Variants in NR6A1 observed in about 807,000 individuals in gnomAD.
NR6A1 encodes the protein nuclear receptor subfamily 6 group A member 1.
Under a neutral mutation model 59.1 loss-of-function variants are expected in NR6A1, and 7 were observed. The ratio of observed to expected loss-of-function variants is 0.12; its 90% CI spans 0.07 to 0.22. NR6A1 has a LOEUF of 0.22. Among genes scored for constraint, NR6A1 ranks in the 10% least tolerant of loss-of-function variants. The pLI is 1.00. For missense variants in NR6A1, 468 were observed against 611.6 expected (o/e 0.77, Z 2.48); for synonymous variants, 243 against 236.1 (o/e 1.03, Z -0.27).
intron 2 of NR6A1, among the ~76,000 whole-genome samples, chr9:124,664,819 C>T (rs562688541): frequency 2.3e-4 from 35 of 151,918 alleles, no homozygotes; most frequent in African/African-American, 8.0e-4. Flanking sequence ...TATTACCTGC[C>T]TTCATGGAGC....
At chr9:124,726,369 T>C (rs546925817) in intron 2 of NR6A1, among the ~76,000 whole-genome samples, 1 of 152,368 alleles carries the variant, frequency 6.6e-6, no homozygotes, top group South Asian at 2.1e-4. Flanking sequence ...TCATGTAATG[T>C]ATTTTGCTGG....
chr9:124,752,516 G>A (rs757404972), intron 1 of NR6A1, among the ~76,000 whole-genome samples: 6 of 151,754 alleles, frequency 4.0e-5, no homozygotes, highest in Non-Finnish European at 7.4e-5. Flanking sequence ...ACTACAACAC[G>A]CAATAAAAGT....
Position 124,522,181 on chromosome 9 carries a change from C to G in NR6A1, c.*524G>C, listed in dbSNP as rs1484126529. 6.4e-6 allele frequency: 1 copy of G among 155,484 alleles called. No individual in the cohort carries two copies. The highest frequency in any genetic ancestry group is 1.4e-5 in the Non-Finnish European group (1 of 69,934). 9.6% of individuals were successfully genotyped at this position (155,484 alleles called of 1,614,324 possible). ...TGAATCTCCTAACAACACTTTGCCC[C>G]CTTACAGTGTGCCGTTTTATCTGGC... is the stretch of plus-strand genomic sequence containing the variant. On this transcript the variant is annotated 3_prime_UTR_variant, in exon 10 of 10. Coordinates refer to ENST00000487099, the MANE Select transcript of NR6A1 (RefSeq NM_033334.4).
chr9:124,524,514 A>G (rs1197358451), intron 9 of NR6A1, among the ~76,000 whole-genome samples: 1 of 152,248 alleles, frequency 6.6e-6, no homozygotes, highest in African/African-American at 2.4e-5. Context: ...CCTGCATATC[A>G]TAAGAGCTCA....
intron 2 of NR6A1, among the ~76,000 whole-genome samples, chr9:124,688,531 T>C (rs560895573): frequency 6.6e-6 from 1 of 152,362 alleles, no homozygotes; most frequent in Admixed American, 6.5e-5. Context: ...GAAGTCTAAA[T>C]AATTACTTTT....
chr9:124,524,871 T>C lies in NR6A1; in HGVS notation c.1204A>G (p.Ile402Val). ...MKAINFLNQDIRGLTSASQLE... is the reference protein window; with the variant it reads ...MKAINFLNQDVRGLTSASQLE... ...TGTGAGGCACTGGTCAGACCCCTGA[T>C]ATCTGTGGAAAAAAAAAAAACACAC... The change falls in exon 9 of 10, where the codon ATC becomes GTC. Residue 402 changes from isoleucine to valine, a missense_variant and splice_region_variant. Ile to Val is a conservative substitution (Grantham distance 29). Transcript: ENST00000487099. 6.3e-7 allele frequency: 1 copy of C among 1,596,162 alleles called. No homozygotes were observed. The highest frequency in any genetic ancestry group is 1.1e-5 in the South Asian group (1 of 87,608).
At chr9:124,604,826 A>ATT (rs1305433269) in intron 2 of NR6A1, among the ~76,000 whole-genome samples, 1 of 152,082 alleles carries the variant, frequency 6.6e-6, no homozygotes, top group African/African-American at 2.4e-5. Flanking sequence ...AAAAAAAATA[A>ATT]TTTTTAAAAT....
intron 2 of NR6A1, among the ~76,000 whole-genome samples, chr9:124,671,698 C>T (rs1473683819): frequency 1.3e-5 from 2 of 152,168 alleles, no homozygotes; most frequent in African/African-American, 4.8e-5. Context: ...TAAGGCCACT[C>T]TTAAGTGACT....
At chr9:124,674,024 C>T (rs1330618653) in intron 2 of NR6A1, among the ~76,000 whole-genome samples, 5 of 152,280 alleles carry the variant, frequency 3.3e-5, no homozygotes, top group East Asian at 1.9e-4. Context: ...CCTCAGCAAA[C>T]GACTTTTCTC....
intron 2 of NR6A1, among the ~76,000 whole-genome samples, chr9:124,570,949 G>C (rs1004979142): frequency 6.6e-6 from 1 of 152,152 alleles, no homozygotes; most frequent in African/African-American, 2.4e-5. Flanking sequence ...TTTACTCACT[G>C]AATAAATATT....
At chr9:124,534,694 A>C (rs1323912830) in intron 7 of NR6A1, among the ~76,000 whole-genome samples, 1 of 152,230 alleles carries the variant, frequency 6.6e-6, no homozygotes, top group Non-Finnish European at 1.5e-5. Flanking sequence ...GCAGGCAGGC[A>C]TATGCTCAAA....
intron 2 of NR6A1, among the ~76,000 whole-genome samples, chr9:124,624,490 G>A (rs1264122184): frequency 1.3e-5 from 2 of 152,102 alleles, no homozygotes; most frequent in East Asian, 3.9e-4. Context: ...TTCATATTAG[G>A]TATCTTTTCT....
intron 2 of NR6A1, among the ~76,000 whole-genome samples, chr9:124,669,277 A>G (rs891271902): frequency 6.6e-6 from 1 of 152,254 alleles, no homozygotes; most frequent in Admixed American, 6.5e-5. Context: ...GTCAGCAAAC[A>G]GTATTAAATA....
intron 2 of NR6A1, among the ~76,000 whole-genome samples, chr9:124,621,610 T>G (rs1282402305): frequency 1.3e-5 from 2 of 151,590 alleles, no homozygotes; most frequent in Non-Finnish European, 2.9e-5. Flanking sequence ...GCTGTGACCA[T>G]ACCACTGCAC....
At chr9:124,590,107 G>A (rs1588692173) in intron 2 of NR6A1, among the ~76,000 whole-genome samples, 1 of 130,760 alleles carries the variant, frequency 7.6e-6, no homozygotes, top group East Asian at 2.3e-4. Context: ...CTAGTCTACT[G>A]TAGCCATCAC....
chr9:124,713,157 G>A (rs1477340053), intron 2 of NR6A1, among the ~76,000 whole-genome samples: 2 of 152,034 alleles, frequency 1.3e-5, no homozygotes, highest in African/African-American at 2.4e-5. Context: ...ACCACTCAAT[G>A]GAGAAAGAAT....
At chr9:124,574,623 T>G (rs1371674016) in intron 2 of NR6A1, among the ~76,000 whole-genome samples, 2 of 152,180 alleles carry the variant, frequency 1.3e-5, no homozygotes, top group African/African-American at 4.8e-5. Flanking sequence ...ACCAAGAGTT[T>G]GACAACCTTT....
At chr9:124,626,353 A>C (rs1836241262) in intron 2 of NR6A1, among the ~76,000 whole-genome samples, 1 of 152,206 alleles carries the variant, frequency 6.6e-6, no homozygotes, top group Non-Finnish European at 1.5e-5. Flanking sequence ...CACGTGAGCC[A>C]ATTCCTTAAA....
intron 2 of NR6A1, among the ~76,000 whole-genome samples, chr9:124,678,850 G>C (rs1028808408): frequency 3.7e-4 from 56 of 152,140 alleles, no homozygotes; most frequent in Non-Finnish European, 1.2e-4. Context: ...AAAGTAGTAA[G>C]AAAGCCCCAA....
Sources: allele counts gnomAD v4.1 joint callset (sites outside exome capture counted in the v4.1 genomes callset), GRCh38; gene constraint gnomAD v4.1.1; transcripts MANE v1.5; gene names NCBI Gene and HGNC (gene_info 2026-07-23, HGNC 2026-07-21).